Variants in STYX observed in about 807,000 individuals in gnomAD.
STYX encodes the protein serine/threonine/tyrosine interacting protein.
Under a neutral mutation model 42.7 loss-of-function variants are expected in STYX, and 20 were observed. The ratio of observed to expected loss-of-function variants is 0.47; its 90% CI spans 0.33 to 0.68. STYX has a LOEUF of 0.68. Ranked by LOEUF, STYX falls within the 30% of genes least tolerant of loss-of-function variation. The pLI is 0.02. For missense variants in STYX, 226 were observed against 268.5 expected (o/e 0.84, Z 1.11); for synonymous variants, 78 against 81.9 (o/e 0.95, Z 0.26).
chr14:52,740,724 C>A (rs553725985), intron 1 of STYX, among the ~76,000 whole-genome samples: 70 of 152,268 alleles, frequency 4.6e-4, no homozygotes, highest in Middle Eastern at 3.4e-3. Flanking sequence ...GATTGTCCTT[C>A]CTTTGTGTGT....
intron 9 of STYX, among the ~76,000 whole-genome samples, chr14:52,760,444 G>C (rs959948932): frequency 2.0e-4 from 30 of 152,090 alleles, no homozygotes; most frequent in African/African-American, 6.3e-4. Flanking sequence ...ATGCCTGGCA[G>C]ATGCACTGAC....
intron 8 of STYX, among the ~76,000 whole-genome samples, chr14:52,759,478 C>T (rs747221682): frequency 3.3e-5 from 5 of 152,178 alleles, no homozygotes; most frequent in Non-Finnish European, 7.3e-5. Context: ...TTAGACTCTT[C>T]ATTTTACCAA....
intron 1 of STYX, 93 bp downstream of exon 1, chr14:52,730,624 G>A: frequency 6.9e-7 from 1 of 1,438,902 alleles, no homozygotes. Flanking sequence ...GCCGCCACCT[G>A]TACGGGCGCC....
chr14:52,750,021 A>C (rs1032145956), intron 3 of STYX, among the ~76,000 whole-genome samples: 2 of 152,194 alleles, frequency 1.3e-5, no homozygotes, highest in Non-Finnish European at 2.9e-5. Context: ...GTATATGCAA[A>C]TATTTCAAAA....
At chr14:52,731,433 C>CTTTTTTTTTTTTTTTTTTTTTTTTT (rs34855760) in intron 1 of STYX, among the ~76,000 whole-genome samples, 1 of 105,628 alleles carries the variant, frequency 9.5e-6, no homozygotes, top group Non-Finnish European at 1.8e-5. Context: ...TGGAGGTTCA[C>CTTTTTTTTTTTTTTTTTTTTTTTTT]TTTTTTTTTT....
In STYX at chr14:52,730,388, C is replaced by T; in HGVS notation, c.-87C>T. Reference sequence around the variant, plus strand: ...GTCAGCCCTCCGCTCCGCCGGCCCTCCTTCCTTCCGCCGCCGCAGCCAGCC... The same window carrying T: ...GTCAGCCCTCCGCTCCGCCGGCCCTTCTTCCTTCCGCCGCCGCAGCCAGCC... On this transcript the variant is annotated 5_prime_UTR_variant, in exon 1 of 11. Coordinates refer to ENST00000354586, the MANE Select transcript of STYX (RefSeq NM_145251.4). 2.8e-6 allele frequency: 4 copies of T among 1,449,162 alleles called. No homozygotes were observed. Among genetic ancestry groups the T allele is most frequent in the Non-Finnish European group, 3.8e-6 (4 of 1,046,716 alleles). 89.8% of individuals were successfully genotyped at this position (1,449,162 alleles called of 1,614,324 possible). A position where few individuals can be genotyped will look rare whatever the true frequency, so the allele number is the denominator to read the frequency against.
intron 9 of STYX, among the ~76,000 whole-genome samples, chr14:52,764,172 T>C (rs1156778975): frequency 6.6e-6 from 1 of 152,110 alleles, no homozygotes; most frequent in South Asian, 2.1e-4. Flanking sequence ...TTTGTATTTT[T>C]AGTAGAGACG....
chr14:52,742,757 A>T (rs1375098623), intron 1 of STYX, among the ~76,000 whole-genome samples: 7 of 151,888 alleles, frequency 4.6e-5, no homozygotes, highest in African/African-American at 1.7e-4. Flanking sequence ...CTGGCTCAGG[A>T]TAACTGGCCT....
chr14:52,747,559 C>T (rs545483913), intron 3 of STYX, among the ~76,000 whole-genome samples: 8 of 152,086 alleles, frequency 5.3e-5, no homozygotes, highest in African/African-American at 1.9e-4. Context: ...TAGACATAGC[C>T]GTAATTTATT....
Position 52,759,758 on chromosome 14 carries a change from AC to A in STYX, c.504+5del. On this transcript the variant is annotated splice_donor_5th_base_variant and intron_variant, in intron 9 of 10. Coordinates refer to ENST00000354586, the MANE Select transcript of STYX (RefSeq NM_145251.4). ...TGGATTTGTCCATCAACTTCAGGTAACTTTTCTTCCTCTTTAAGGCAATCAG... is the reference window on the plus strand; with the variant it reads ...TGGATTTGTCCATCAACTTCAGGTAATTTTCTTCCTCTTTAAGGCAATCAG... The A allele has an allele frequency of 6.3e-7, 1 of 1,597,366 alleles. No individual in the cohort carries two copies. Among genetic ancestry groups the A allele is most frequent in the Non-Finnish European group, 8.6e-7 (1 of 1,166,670 alleles).
At chr14:52,769,794 T>A (rs1223616154) in intron 10 of STYX, among the ~76,000 whole-genome samples, 1 of 152,106 alleles carries the variant, frequency 6.6e-6, no homozygotes, top group Non-Finnish European at 1.5e-5. Context: ...TTCCAAACTC[T>A]TGTTATTTGG....
chr14:52,764,684 T>TTG (rs1882231150), intron 9 of STYX, among the ~76,000 whole-genome samples: 1 of 148,750 alleles, frequency 6.7e-6, no homozygotes, highest in East Asian at 1.9e-4. Context: ...TTTTTTTTTT[T>TTG]TTGAGTTAGA....
chr14:52,731,808 A>C (rs1880715695), intron 1 of STYX: 2 of 151,696 alleles, frequency 1.3e-5, no homozygotes, highest in African/African-American at 4.8e-5. Context: ...TTAAGAGTAG[A>C]GACTTTGTTT....
chr14:52,746,500 A>G lies in STYX; in HGVS notation c.144+21A>G, dbSNP rs1487534427. The G allele has an allele frequency of 1.9e-6, 3 of 1,548,456 alleles. No individual in the cohort carries two copies. In the Admixed American group the frequency reaches 7.1e-5, roughly 37 times the overall value. On this transcript the variant is annotated intron_variant, in intron 3 of 10. Transcript: ENST00000354586. ...GCAAGGTATGAACTTTGTTAGATTC[A>G]TCAAGAGAGACTTTTATTAACCAAC... is the stretch of plus-strand genomic sequence containing the variant.
At chr14:52,748,361 C>G (rs1566673212) in intron 3 of STYX, among the ~76,000 whole-genome samples, 1 of 152,118 alleles carries the variant, frequency 6.6e-6, no homozygotes, top group Admixed American at 6.6e-5. Flanking sequence ...CCCAAGTAGC[C>G]AGGACTACGG....
chr14:52,744,420 G>A (rs1881316475), intron 1 of STYX, among the ~76,000 whole-genome samples: 1 of 152,156 alleles, frequency 6.6e-6, no homozygotes, highest in Non-Finnish European at 1.5e-5. Context: ...ATCCATTTCA[G>A]ATATTATTTG....
chr14:52,764,990 G>C (rs116811941), intron 9 of STYX, among the ~76,000 whole-genome samples: 2,589 of 152,058 alleles, frequency 0.017, 76 homozygotes, highest in African/African-American at 0.059. Flanking sequence ...ATTTAAATAG[G>C]ATTCAGCCAA....
intron 1 of STYX, among the ~76,000 whole-genome samples, chr14:52,732,279 T>A (rs1472853182): frequency 6.8e-6 from 1 of 146,872 alleles, no homozygotes; most frequent in Non-Finnish European, 1.5e-5. Context: ...TTTTTTTTTT[T>A]TTTTTGAGAC....
At chr14:52,761,566 G>GTTTTT (rs539782412) in intron 9 of STYX, among the ~76,000 whole-genome samples, 7 of 100,848 alleles carry the variant, frequency 6.9e-5, no homozygotes, top group Non-Finnish European at 9.5e-5. Flanking sequence ...GTAGCCAAAA[G>GTTTTT]TTTTTTTTTT....
Sources: allele counts gnomAD v4.1 joint callset (sites outside exome capture counted in the v4.1 genomes callset), GRCh38; gene constraint gnomAD v4.1.1; transcripts MANE v1.5; gene names NCBI Gene and HGNC (gene_info 2026-07-23, HGNC 2026-07-21).